Variants in CDK17 observed in about 807,000 individuals in gnomAD.
The protein encoded by CDK17 is cyclin dependent kinase 17.
Under a neutral mutation model 77.6 loss-of-function variants are expected in CDK17, and 24 were observed. That is an observed-to-expected ratio of 0.31 (90% CI 0.22 to 0.44). CDK17 has a LOEUF of 0.44. Among genes scored for constraint, CDK17 ranks in the 20% least tolerant of loss-of-function variants. CDK17 has a pLI of 1.00. For synonymous variants in CDK17, 203 were observed against 210.4 expected, an observed-to-expected ratio of 0.96 and a Z score of 0.30; for missense variants, 429 against 622.5, an observed-to-expected ratio of 0.69 and a Z score of 3.31.
At chr12:96,356,271 CTGTT>C (rs1198417119) in intron 1 of CDK17, among the ~76,000 whole-genome samples, 1 of 152,092 alleles carries the variant, frequency 6.6e-6, no homozygotes, top group Non-Finnish European at 1.5e-5. Context: ...TACATGAAAA[CTGTT>C]TGAGCCATGT....
At chr12:96,354,114 T>C (rs536419253) in intron 1 of CDK17, among the ~76,000 whole-genome samples, 4 of 152,258 alleles carry the variant, frequency 2.6e-5, no homozygotes, top group African/African-American at 7.2e-5. Flanking sequence ...GAAGAAACAT[T>C]AGAGACAACC....
chr12:96,372,863 G>A (rs371076912), intron 1 of CDK17, among the ~76,000 whole-genome samples: 1 of 152,100 alleles, frequency 6.6e-6, no homozygotes. Context: ...ATATAGAAAA[G>A]CATTTTAAAA....
intron 1 of CDK17, among the ~76,000 whole-genome samples, chr12:96,367,035 A>T (rs1004030334): frequency 6.6e-6 from 1 of 152,092 alleles, no homozygotes; most frequent in South Asian, 2.1e-4. Flanking sequence ...GCAAAGTAGT[A>T]GTTCCCTTTC....
chr12:96,378,976 C>G (rs1953832430), intron 1 of CDK17, among the ~76,000 whole-genome samples: 1 of 151,710 alleles, frequency 6.6e-6, no homozygotes, highest in African/African-American at 2.4e-5. Flanking sequence ...TTTATCTATC[C>G]CAAAAAAATA....
At position 96,297,725 on chromosome 12, in the gene CDK17, CA is replaced by C. The variant is rs1952428729; in HGVS notation, c.716-5del. The C allele has an allele frequency of 1.3e-6, 2 of 1,498,500 alleles. No individual in the cohort carries two copies. Among genetic ancestry groups the C allele is most frequent in the Non-Finnish European group, 1.8e-6 (2 of 1,084,366 alleles). 92.8% of individuals were successfully genotyped at this position (1,498,500 alleles called of 1,614,324 possible). On this transcript the variant is annotated splice_polypyrimidine_tract_variant and splice_region_variant and intron_variant, in intron 7 of 16. Transcript: ENST00000261211. Reference sequence around the variant, plus strand: ...TTTAAATCCTTTAATAGTGAAACTGCAAAACAGAAAAAGAAAATTGTTTAGT... The same window carrying C: ...TTTAAATCCTTTAATAGTGAAACTGCAAACAGAAAAAGAAAATTGTTTAGT...
At position 96,287,743 on chromosome 12, in the gene CDK17, A is replaced by G. The variant is rs867661994; in HGVS notation, c.1119-982T>C. Among the ~76,000 whole-genome samples, 15 of 152,292 alleles carry G rather than the reference A, an allele frequency of 9.8e-5. No homozygotes were observed. The South Asian group carries it at 1.0e-3, about 11-fold the overall frequency. Reference sequence around the variant, plus strand: ...CATGTGCACAACAGCATTATTTACAATAGTCAAAAGGTGGAAGCAAACCAA... The same window carrying G: ...CATGTGCACAACAGCATTATTTACAGTAGTCAAAAGGTGGAAGCAAACCAA... On this transcript the variant is annotated intron_variant, in intron 11 of 16. Coordinates refer to ENST00000261211, the MANE Select transcript of CDK17 (RefSeq NM_002595.5).
chr12:96,368,564 T>C (rs896483198), intron 1 of CDK17, among the ~76,000 whole-genome samples: 3 of 152,218 alleles, frequency 2.0e-5, no homozygotes, highest in Admixed American at 2.0e-4. Flanking sequence ...AGGCCAATCT[T>C]GTTGCCCCTC....
rs11285567 is a variant in CDK17 at position 96,311,180 on chromosome 12, TAA to T, written c.418-5_418-4del. 1.4e-3 allele frequency: 1,849 copies of T among 1,280,342 alleles called. No individual in the cohort carries two copies. The highest frequency in any genetic ancestry group is 6.0e-3 in the South Asian group (387 of 64,460). The allele number at this position is 1,280,342 out of a possible 1,614,324, so 79.3% of individuals were successfully genotyped here. On this transcript the variant is annotated splice_polypyrimidine_tract_variant and splice_region_variant and intron_variant, in intron 4 of 16. Transcript: ENST00000261211. Reference sequence around the variant, plus strand: ...AGTGATAACCGCTTATTTAAATCCTTAAAAAAAAAAAAAGGTAATCCAAAATA... The same window carrying T: ...AGTGATAACCGCTTATTTAAATCCTTAAAAAAAAAAAGGTAATCCAAAATA...
At chr12:96,385,956 C>T (rs557744911) in intron 1 of CDK17, among the ~76,000 whole-genome samples, 45 of 152,034 alleles carry the variant, frequency 3.0e-4, no homozygotes, top group East Asian at 1.7e-3. Flanking sequence ...AAAACTAAAA[C>T]GCTCCAAGTA....
intron 10 of CDK17, among the ~76,000 whole-genome samples, chr12:96,293,788 T>G (rs1565806380): frequency 6.6e-6 from 1 of 152,318 alleles, no homozygotes; most frequent in East Asian, 1.9e-4. Flanking sequence ...TTCAGCATAT[T>G]GAAAAATCGT....
intron 1 of CDK17, among the ~76,000 whole-genome samples, chr12:96,341,344 C>CGT (rs1555203748): frequency 0.015 from 2,289 of 149,888 alleles, 27 homozygotes; most frequent in South Asian, 0.04. Context: ...CACACACACA[C>CGT]GTCTCATATA....
intron 1 of CDK17, among the ~76,000 whole-genome samples, chr12:96,339,361 G>A (rs898413881): frequency 6.6e-5 from 10 of 151,800 alleles, no homozygotes; most frequent in Non-Finnish European, 8.8e-5. Flanking sequence ...GGTTGCCAGG[G>A]GCTGGGGGAA....
intron 12 of CDK17, among the ~76,000 whole-genome samples, chr12:96,286,418 G>A (rs1952247415): frequency 6.6e-6 from 1 of 151,914 alleles, no homozygotes; most frequent in African/African-American, 2.4e-5. Context: ...ATAATATGGT[G>A]ACATCCAATT....
At chr12:96,383,624 C>T (rs900437289) in intron 1 of CDK17, among the ~76,000 whole-genome samples, 1 of 152,108 alleles carries the variant, frequency 6.6e-6, no homozygotes, top group African/African-American at 2.4e-5. Context: ...TGCACAACCA[C>T]AACCGTCTGA....
chr12:96,320,544 C>T (rs1440345361), intron 3 of CDK17, among the ~76,000 whole-genome samples: 13 of 148,732 alleles, frequency 8.7e-5, no homozygotes, highest in Admixed American at 4.0e-4. Flanking sequence ...ATCACGCTAC[C>T]TGACTTCAAA....
At chr12:96,391,975 A>C (rs1954075891) in intron 1 of CDK17, among the ~76,000 whole-genome samples, 1 of 152,034 alleles carries the variant, frequency 6.6e-6, no homozygotes, top group African/African-American at 2.4e-5. Flanking sequence ...TAATTTACCA[A>C]CTCGGTGTTG....
At chr12:96,300,467 G>A (rs1046882168) in intron 5 of CDK17, 107 bp from the exon 6 acceptor site, 16 of 646,796 alleles carry the variant, frequency 2.5e-5, no homozygotes, top group Admixed American at 1.5e-4. Context: ...CACAATCTTG[G>A]CTTACTGCAA....
chr12:96,280,106 A>G lies in CDK17; in HGVS notation c.*136T>C. On this transcript the variant is annotated 3_prime_UTR_variant, in exon 17 of 17. Transcript: ENST00000261211. ...AAAAACAATCTGTAGGTCTGAAATA[A>G]AAAGACTCCACTGTGAAGAGGACAG... The G allele has an allele frequency of 1.3e-6, 1 of 786,466 alleles. No individual in the cohort carries two copies. The highest frequency in any genetic ancestry group is 2.4e-4 in the Middle Eastern group (1 of 4,158). 48.7% of individuals were successfully genotyped at this position (786,466 alleles called of 1,614,324 possible). A position where few individuals can be genotyped will look rare whatever the true frequency, so the allele number is the denominator to read the frequency against.
intron 2 of CDK17, among the ~76,000 whole-genome samples, chr12:96,334,104 C>G (rs995829693): frequency 6.6e-6 from 1 of 152,180 alleles, no homozygotes; most frequent in African/African-American, 2.4e-5. Context: ...ATACTCTGCA[C>G]ATCATGACAC....
Sources: allele counts gnomAD v4.1 joint callset (sites outside exome capture counted in the v4.1 genomes callset), GRCh38; gene constraint gnomAD v4.1.1; transcripts MANE v1.5; gene names NCBI Gene and HGNC (gene_info 2026-07-23, HGNC 2026-07-21).